PARP2: variants seen among roughly 807,000 people sequenced by gnomAD.
PARP2 encodes the protein poly(ADP-ribose) polymerase 2.
PARP2 carries 57 observed loss-of-function variants against 77.8 expected under a neutral mutation model. The ratio of observed to expected loss-of-function variants is 0.73; its 90% CI spans 0.59 to 0.91. The LOEUF (loss-of-function observed/expected upper bound fraction) is 0.91, where lower values mean the gene tolerates loss of function less well. PARP2 is among the 40% of genes least tolerant of loss of function. PARP2 has a pLI of 0.00. For missense variants in PARP2, 651 were observed against 689.0 expected (o/e 0.94, Z 0.62); for synonymous variants, 226 against 242.6 (o/e 0.93, Z 0.64).
Position 20,356,815 on chromosome 14 carries a change from C to T in PARP2, c.1329+126C>T. On this transcript the variant is annotated intron_variant, in intron 13 of 15. Coordinates refer to ENST00000429687, the MANE Select transcript of PARP2 (RefSeq NM_001042618.2). ...AAGAGTTAAGCCAGCTCACTGATAA[C>T]CTTGTCATCTCTTACTGTGTCCCTC... 6 of 777,344 alleles carry T rather than the reference C, an allele frequency of 7.7e-6. No homozygotes were observed. In the Middle Eastern group the frequency reaches 8.6e-4, roughly 111 times the overall value. 48.2% of individuals were successfully genotyped at this position (777,344 alleles called of 1,614,324 possible).
chr14:20,354,196 A>C lies in PARP2; in HGVS notation c.712A>C (p.Met238Leu), dbSNP rs781078323. 8 of 1,613,770 alleles carry C rather than the reference A, an allele frequency of 5.0e-6. No homozygotes were observed. In the South Asian group the frequency reaches 8.8e-5, roughly 18 times the overall value. Reference sequence around the variant, plus strand: ...AAAGTTGATCTGTAATGTTCAGGCCATGGAAGAAATGATGATGGAAATGAA... The same window carrying C: ...AAAGTTGATCTGTAATGTTCAGGCCCTGGAAGAAATGATGATGGAAATGAA... ...LIKLICNVQA[M>L]EEMMMEMKYN... The change falls in exon 8 of 16, where the codon ATG (methionine) becomes CTG (leucine). Residue 238 changes from methionine (M) to leucine (L), a missense_variant. Coordinates refer to ENST00000429687, the MANE Select transcript of PARP2 (RefSeq NM_001042618.2).
At chr14:20,350,972 G>A (rs1273302805) in intron 5 of PARP2, 75 bp from the exon 6 acceptor site, 7 of 1,132,832 alleles carry the variant, frequency 6.2e-6, no homozygotes, top group Non-Finnish European at 8.0e-6. Context: ...TTTGTCAGAT[G>A]TTAAGCAGAG....
intron 7 of PARP2, chr14:20,352,787 G>T (rs527790023): frequency 6.5e-6 from 1 of 152,830 alleles, no homozygotes; most frequent in Admixed American, 6.5e-5. Flanking sequence ...CACCTCAGGG[G>T]TGCTCTCACT....
chr14:20,352,021 G>C (rs1027483195), intron 6 of PARP2, among the ~76,000 whole-genome samples: 1 of 152,332 alleles, frequency 6.6e-6, no homozygotes, highest in Admixed American at 6.5e-5. Flanking sequence ...GTTTGGGAAG[G>C]ACAAGCATTG....
chr14:20,345,384 C>T lies in PARP2; in HGVS notation c.203-10C>T, dbSNP rs1392547045. 6.2e-6 allele frequency: 10 copies of T among 1,610,308 alleles called. No individual in the cohort carries two copies. The highest frequency in any genetic ancestry group is 1.7e-5 in the Admixed American group (1 of 59,936). ...TTCCCATAAAGTAGTACCTATCTGT[C>T]TTTCCTCAGAATCTGTGAAGGCCTT... is the stretch of plus-strand genomic sequence containing the variant. On this transcript the variant is annotated splice_polypyrimidine_tract_variant and intron_variant, in intron 2 of 15. Transcript: ENST00000429687.
intron 9 of PARP2, chr14:20,355,165 T>C (rs1017173171): frequency 1.3e-5 from 6 of 458,342 alleles, no homozygotes; most frequent in Non-Finnish European, 2.3e-5. Context: ...TCTGACAAAG[T>C]GGAAGTTACC....
chr14:20,346,882 GA>G lies in PARP2; in HGVS notation c.296del (p.Asn99MetfsTer8). 6.2e-7 allele frequency: 1 copy of G among 1,606,762 alleles called. No individual in the cohort carries two copies. ...TTCTAGGCTCATGTGTATTGTGAAG[GA>G]AATGATGTCTATGATGTCATGCTAA... is the stretch of plus-strand genomic sequence containing the variant. The part of the protein sequence containing the change: ...KVGKAHVYCE[G>X]NDVYDVMLNQ... On this transcript the variant is annotated frameshift_variant, in exon 4 of 16. Transcript: ENST00000429687. LOFTEE classifies it high-confidence loss of function.
At chr14:20,352,142 C>CT (rs953488495) in intron 6 of PARP2, 103 bp from the exon 7 acceptor site, 1 of 638,034 alleles carries the variant, frequency 1.6e-6, no homozygotes, top group African/African-American at 1.8e-5. Context: ...TGTAAAGGAG[C>CT]TCAGTGCTGG....
chr14:20,347,007 T>G, intron 4 of PARP2, 94 bp downstream of exon 4: 16 of 704,810 alleles, frequency 2.3e-5, no homozygotes, highest in Non-Finnish European at 2.5e-5. Flanking sequence ...ATCTTTAAAG[T>G]CCCTTTTTTT....
intron 1 of PARP2, 57 bp downstream of exon 1, chr14:20,343,744 G>C (rs371174406): frequency 6.4e-7 from 1 of 1,556,482 alleles, no homozygotes; most frequent in Middle Eastern, 1.7e-4. Flanking sequence ...AGAAAGGAAC[G>C]ATGCCACCTA....
In PARP2 at chr14:20,352,343, C is replaced by G. The variant is rs755742881; in HGVS notation, c.596C>G (p.Thr199Ser). ...DMLQMDYATN[T>S]QDEEETKKEE... is the part of the protein sequence containing the mutation. Reference sequence around the variant, plus strand: ...CTACAGATGGACTATGCCACCAATACTCAGGTAACTCTCACTATACTTTTC... The same window carrying G: ...CTACAGATGGACTATGCCACCAATAGTCAGGTAACTCTCACTATACTTTTC... Residue 199 changes from threonine (T) to serine (S), a missense_variant, in exon 7 of 16, where the codon ACT becomes AGT. Physicochemically the swap from Thr to Ser is moderately conservative, Grantham distance 58. Coordinates refer to ENST00000429687, the MANE Select transcript of PARP2 (RefSeq NM_001042618.2). 3.2e-6 allele frequency: 5 copies of G among 1,544,754 alleles called. No homozygotes were observed. The highest frequency in any genetic ancestry group is 4.5e-6 in the Non-Finnish European group (5 of 1,118,542).
intron 5 of PARP2, 32 bp from the exon 6 acceptor site, chr14:20,351,015 G>T (rs1368786911): frequency 1.3e-6 from 2 of 1,567,776 alleles, no homozygotes; most frequent in South Asian, 1.1e-5. Flanking sequence ...TACTCTTAGG[G>T]AACTATCTTA....
chr14:20,350,653 G>A (rs1267558872), intron 5 of PARP2, 31 bp downstream of exon 5: 28 of 1,421,930 alleles, frequency 2.0e-5, no homozygotes, highest in Non-Finnish European at 2.6e-5. Flanking sequence ...TTTATGAGTT[G>A]GCATTCAGAA....
At position 20,350,618 on chromosome 14, in the gene PARP2, C is replaced by T; in HGVS notation, c.417C>T (p.Gly139=). 1 of 1,586,782 alleles carries T rather than the reference C, an allele frequency of 6.3e-7. No homozygotes were observed. The highest frequency in any genetic ancestry group is 8.7e-7 in the Non-Finnish European group (1 of 1,155,308). ...ACTTCAGTGTTTGGATGAGATGGGG[C>T]CGAGGTAATGATTTTTATTGAGATT... The part of the protein sequence containing the change: ...QRNFSVWMRW[G]RVGKMGQHSL... Residue 139 remains glycine (G), a synonymous_variant, in exon 5 of 16, where the codon GGC becomes GGT. Coordinates refer to ENST00000429687, the MANE Select transcript of PARP2 (RefSeq NM_001042618.2).
chr14:20,345,119 G>C (rs370314381), intron 2 of PARP2, 32 bp downstream of exon 2: 2 of 1,612,516 alleles, frequency 1.2e-6, no homozygotes, highest in Admixed American at 3.3e-5. Context: ...CCAGCAAAAG[G>C]GTCTCTGGTA....
At chr14:20,356,154 A>T in intron 11 of PARP2, 123 bp downstream of exon 11, 1 of 1,419,200 alleles carries the variant, frequency 7.0e-7, no homozygotes, top group Non-Finnish European at 9.7e-7. Context: ...TTTATGTACT[A>T]GGGATTTGGG....
chr14:20,343,732 T>C, intron 1 of PARP2, 45 bp downstream of exon 1: 1 of 1,594,532 alleles, frequency 6.3e-7, no homozygotes, highest in Non-Finnish European at 8.6e-7. Flanking sequence ...GGGCGGGCAG[T>C]CAGAAAGGAA....
Position 20,345,036 on chromosome 14 carries a change from C to T in PARP2, c.151C>T (p.Pro51Ser). The change falls in exon 2 of 16, where the codon CCT (proline) becomes TCT (serine). Residue 51 changes from proline to serine, a missense_variant. Transcript: ENST00000429687. ...CCAGAGACAGGAGTCGAAAAAGATG[C>T]CTGTGGCTGGAGGAAAAGCTAATAA... ...RCQRQESKKM[P>S]VAGGKANKDR... 1.2e-6 allele frequency: 2 copies of T among 1,613,872 alleles called. No individual in the cohort carries two copies. The highest frequency in any genetic ancestry group is 8.5e-7 in the Non-Finnish European group (1 of 1,179,788).
intron 6 of PARP2, among the ~76,000 whole-genome samples, chr14:20,351,993 C>A (rs964606654): frequency 6.6e-6 from 1 of 152,188 alleles, no homozygotes; most frequent in Non-Finnish European, 1.5e-5. Flanking sequence ...TGTTTGAAAT[C>A]TCAATGGCTT....
Sources: gnomAD v4.1 joint callset for allele counts (sites outside exome capture counted in the v4.1 genomes callset) on GRCh38, gnomAD v4.1.1 for gene constraint, MANE v1.5 for transcripts, NCBI Gene and HGNC (gene_info 2026-07-23, HGNC 2026-07-21) for gene names.